Variants in RNF220 observed in about 807,000 individuals in gnomAD.
RNF220 encodes E3 ubiquitin-protein ligase RNF220.
RNF220 carries 7 observed loss-of-function variants against 67.1 expected under a neutral mutation model. That is an observed-to-expected ratio of 0.10 (90% CI 0.06 to 0.20). RNF220 has a LOEUF of 0.20. Ranked by LOEUF, RNF220 falls within the 10% of genes least tolerant of loss-of-function variation. The pLI, the probability that RNF220 is intolerant of heterozygous loss-of-function variation, is 1.00. For synonymous variants in RNF220, 270 were observed against 283.2 expected (o/e 0.95, Z 0.47); for missense variants, 565 against 740.3 (o/e 0.76, Z 2.75).
chr1:44,546,392 G>A (rs557888254), intron 2 of RNF220, among the ~76,000 whole-genome samples: 111 of 152,228 alleles, frequency 7.3e-4, no homozygotes, highest in African/African-American at 2.6e-3. Context: ...AGCCACACAG[G>A]AGCTTTCTTC....
chr1:44,507,002 G>T (rs929862340), intron 2 of RNF220, among the ~76,000 whole-genome samples: 1 of 152,158 alleles, frequency 6.6e-6, no homozygotes, highest in Non-Finnish European at 1.5e-5. Context: ...TGAGAAGCAG[G>T]TGGGACTGGA....
At chr1:44,428,844 A>AGCTTT (rs1650059478) in intron 2 of RNF220, among the ~76,000 whole-genome samples, 1 of 151,888 alleles carries the variant, frequency 6.6e-6, no homozygotes, top group Non-Finnish European at 1.5e-5. Context: ...TGGTGGATAG[A>AGCTTT]GCTTTGCTGG....
In RNF220 at chr1:44,649,788, A is replaced by G; in HGVS notation, c.1554+19A>G. On this transcript the variant is annotated intron_variant, in intron 13 of 14. Coordinates refer to ENST00000361799, the MANE Select transcript of RNF220 (RefSeq NM_018150.4). The surrounding 1 kb of genome is among the most constrained non-coding windows in gnomAD (Gnocchi z 5.9). ...CTGCATGGTGAGTAGAAAAGAACCT[A>G]GGGGTGCCCTTGGTCAGGCTTCCAC... The G allele has an allele frequency of 6.2e-7, 1 of 1,613,706 alleles. No individual in the cohort carries two copies. The highest frequency in any genetic ancestry group is 8.5e-7 in the Non-Finnish European group (1 of 1,179,700).
intron 2 of RNF220, among the ~76,000 whole-genome samples, chr1:44,568,636 A>G (rs559388257): frequency 2.0e-5 from 3 of 152,152 alleles, no homozygotes; most frequent in Non-Finnish European, 4.4e-5. Context: ...TGCCCTCCTG[A>G]AGCACTCTCC....
At chr1:44,470,401 T>A (rs148392632) in intron 2 of RNF220, among the ~76,000 whole-genome samples, 62 of 152,334 alleles carry the variant, frequency 4.1e-4, no homozygotes, top group African/African-American at 1.3e-3. Flanking sequence ...GTTGGCAACA[T>A]TTATTTATGG....
intron 2 of RNF220, among the ~76,000 whole-genome samples, chr1:44,460,290 G>C (rs1653635624): frequency 6.6e-6 from 1 of 152,162 alleles, no homozygotes; most frequent in Non-Finnish European, 1.5e-5. Flanking sequence ...ATGAATGCAG[G>C]TACCAGCGCC....
Position 44,477,906 on chromosome 1 carries a change from T to C in RNF220, c.625+65184T>C, listed in dbSNP as rs532886075. 1.8e-3 allele frequency among the ~76,000 whole-genome samples: 269 copies of C among 152,302 alleles called. 1 individual carries two copies. Among genetic ancestry groups the C allele is most frequent in the African/African-American group, 6.2e-3 (258 of 41,560 alleles). On this transcript the variant is annotated intron_variant, in intron 2 of 14. Transcript: ENST00000361799. ...CAATAATCTAATCTACAACAGTACA[T>C]TTCTTTGTGAATATTCACATCCCTC...
chr1:44,488,699 G>A (rs1656566487), intron 2 of RNF220, among the ~76,000 whole-genome samples: 1 of 148,448 alleles, frequency 6.7e-6, no homozygotes. Context: ...CACAAAAATA[G>A]TACTTAGCCT....
At chr1:44,540,913 T>G (rs552080223) in intron 2 of RNF220, among the ~76,000 whole-genome samples, 4 of 152,120 alleles carry the variant, frequency 2.6e-5, no homozygotes, top group African/African-American at 9.6e-5. Context: ...GATTTCCTCG[T>G]TTTTTGGGGC....
intron 2 of RNF220, among the ~76,000 whole-genome samples, chr1:44,536,411 A>G (rs1210413340): frequency 6.6e-6 from 1 of 152,230 alleles, no homozygotes; most frequent in Non-Finnish European, 1.5e-5. Context: ...CCTGGAGAGC[A>G]GCAAGTGGTG....
At chr1:44,431,819 A>G (rs1420229475) in intron 2 of RNF220, among the ~76,000 whole-genome samples, 2 of 152,204 alleles carry the variant, frequency 1.3e-5, no homozygotes, top group Admixed American at 1.3e-4. Flanking sequence ...TCAATATGAT[A>G]TGTGCTCATT....
chr1:44,525,318 T>C (rs1178930172), intron 2 of RNF220, among the ~76,000 whole-genome samples: 1 of 152,224 alleles, frequency 6.6e-6, no homozygotes, highest in African/African-American at 2.4e-5. Context: ...GAAAGGCTGC[T>C]GGCTGGTGTG....
At chr1:44,460,637 T>C (rs1653672981) in intron 2 of RNF220, among the ~76,000 whole-genome samples, 2 of 152,220 alleles carry the variant, frequency 1.3e-5, no homozygotes, top group African/African-American at 4.8e-5. Context: ...GGAGGTCAGC[T>C]GCACTAACCA....
intron 2 of RNF220, among the ~76,000 whole-genome samples, chr1:44,540,382 T>C (rs992418726): frequency 3.3e-5 from 5 of 152,132 alleles, no homozygotes; most frequent in African/African-American, 1.2e-4. Context: ...TAGCAGGCAG[T>C]TTTTGTAAAG....
At chr1:44,648,162 A>G (rs1644699880) in intron 12 of RNF220, 1 of 152,140 alleles carries the variant, frequency 6.6e-6, no homozygotes, top group African/African-American at 2.4e-5. Flanking sequence ...GGTCAATCAC[A>G]CAGTTATTAG....
intron 2 of RNF220, among the ~76,000 whole-genome samples, chr1:44,547,578 A>G (rs1270544873): frequency 6.7e-6 from 1 of 148,186 alleles, no homozygotes; most frequent in Non-Finnish European, 1.5e-5. Flanking sequence ...CCAGTGTTCT[A>G]CCTTTGACCC....
chr1:44,515,597 C>A (rs1449097411), intron 2 of RNF220, among the ~76,000 whole-genome samples: 2 of 152,144 alleles, frequency 1.3e-5, no homozygotes, highest in Admixed American at 6.5e-5. Flanking sequence ...GCTCTTCAGA[C>A]CTACTATTTA....
intron 2 of RNF220, among the ~76,000 whole-genome samples, chr1:44,595,484 C>T (rs1252315710): frequency 6.6e-6 from 1 of 152,196 alleles, no homozygotes; most frequent in East Asian, 1.9e-4. Flanking sequence ...GCTCAGTGCA[C>T]AGCAGGGTTG....
intron 2 of RNF220, among the ~76,000 whole-genome samples, chr1:44,497,791 C>G (rs7516631): frequency 0.68 from 103,799 of 152,122 alleles, 37,514 homozygotes; most frequent in Non-Finnish European, 0.81. Context: ...ACCTACTATA[C>G]TGCTGCAAGC....
Sources: gnomAD v4.1 joint callset for allele counts (sites outside exome capture counted in the v4.1 genomes callset) on GRCh38, gnomAD v4.1.1 for gene constraint, Gnocchi (gnomAD v3.1) non-coding constraint, MANE v1.5 for transcripts, NCBI Gene and HGNC (gene_info 2026-07-23, HGNC 2026-07-21) for gene names.